The following SAMD7 variants were observed in gnomAD, a reference collection of about 807,000 sequenced individuals.
The protein encoded by SAMD7 is sterile alpha motif domain-containing protein 7.
A neutral mutation model predicts 36.7 loss-of-function variants in SAMD7; 34 were observed. The observed-to-expected ratio is 0.93, with a 90% CI of 0.71 to 1.23. SAMD7 has a LOEUF of 1.23. SAMD7 is among the 50% of genes most tolerant of loss of function. The pLI is 0.00. For missense variants in SAMD7, 570 were observed against 546.6 expected (o/e 1.04, Z -0.43); for synonymous variants, 188 against 189.7 (o/e 0.99, Z 0.07).
chr3:169,928,314 GA>G (rs1430551550), intron 6 of SAMD7, 142 bp from the exon 7 acceptor site: 4 of 602,446 alleles, frequency 6.6e-6, no homozygotes, highest in Non-Finnish European at 1.2e-5. Context: ...GAAGCTTTTA[GA>G]AAACATCTCC....
intron 6 of SAMD7, among the ~76,000 whole-genome samples, chr3:169,927,821 C>T (rs1056299147): frequency 6.6e-6 from 1 of 152,028 alleles, no homozygotes; most frequent in Non-Finnish European, 1.5e-5. Context: ...AGCAGAGAGG[C>T]GTCTTGCTTC....
rs189539303 is a variant in SAMD7, at chr3:169,913,645, C to A, written c.-116-1722C>A. Among the ~76,000 whole-genome samples the A allele has an allele frequency of 2.3e-4, 35 of 152,298 alleles. 1 individual carries two copies. The highest frequency in any genetic ancestry group is 1.8e-3 in the Admixed American group (27 of 15,286). On this transcript the variant is annotated intron_variant, in intron 1 of 8. Transcript: ENST00000335556. ...TGCAGACCTAAGCACCACTGCACTC[C>A]CTCACTTTGGGATTACCAGACACGC... is the stretch of plus-strand genomic sequence containing the variant.
intron 7 of SAMD7, among the ~76,000 whole-genome samples, chr3:169,934,951 T>C (rs573430931): frequency 1.3e-5 from 2 of 152,278 alleles, no homozygotes; most frequent in African/African-American, 4.8e-5. Context: ...GCACTGTTCA[T>C]GAAGGCACAG....
intron 7 of SAMD7, among the ~76,000 whole-genome samples, chr3:169,935,044 G>T (rs897157130): frequency 1.3e-5 from 2 of 152,180 alleles, no homozygotes; most frequent in Non-Finnish European, 2.9e-5. Flanking sequence ...AGAGGCACCC[G>T]GAAGCCTGAG....
chr3:169,937,147 T>G (rs1306796251), intron 8 of SAMD7, among the ~76,000 whole-genome samples: 3 of 152,194 alleles, frequency 2.0e-5, no homozygotes, highest in Non-Finnish European at 4.4e-5. Flanking sequence ...AATTGGCTCT[T>G]GTGAGTTAGC....
At chr3:169,929,578 A>G (rs761864549) in intron 7 of SAMD7, among the ~76,000 whole-genome samples, 23 of 152,178 alleles carry the variant, frequency 1.5e-4, no homozygotes, top group South Asian at 6.2e-4. Flanking sequence ...TACAAATTCA[A>G]ATCCTGGCTT....
At chr3:169,925,184 C>T in intron 5 of SAMD7, 48 bp downstream of exon 5, 1 of 1,208,938 alleles carries the variant, frequency 8.3e-7, no homozygotes, top group Non-Finnish European at 1.2e-6. Flanking sequence ...TTCACTTGCT[C>T]ATTTATTCAC....
chr3:169,932,987 C>G (rs1175632473), intron 7 of SAMD7: 13 of 720,154 alleles, frequency 1.8e-5, no homozygotes, highest in South Asian at 1.3e-4. Context: ...TCTTTCCCCC[C>G]CTCTATCAGT....
intron 4 of SAMD7, among the ~76,000 whole-genome samples, chr3:169,922,392 A>G (rs1713079372): frequency 6.6e-6 from 1 of 152,224 alleles, no homozygotes; most frequent in Non-Finnish European, 1.5e-5. Flanking sequence ...TGAGGTAGCA[A>G]GAAACCCAGG....
chr3:169,933,073 C>A, intron 7 of SAMD7: 1 of 905,496 alleles, frequency 1.1e-6, no homozygotes, highest in South Asian at 1.3e-5. Flanking sequence ...ACCTTAAAAT[C>A]TGCCATGGCC....
intron 1 of SAMD7, among the ~76,000 whole-genome samples, chr3:169,914,671 T>C (rs1270938623): frequency 6.6e-6 from 1 of 152,188 alleles, no homozygotes; most frequent in East Asian, 1.9e-4. Flanking sequence ...GTACCAAGGA[T>C]AGCTTTAATT....
At chr3:169,930,918 C>T (rs890173598) in intron 7 of SAMD7, among the ~76,000 whole-genome samples, 19 of 152,198 alleles carry the variant, frequency 1.2e-4, no homozygotes, top group Admixed American at 1.2e-3. Flanking sequence ...GACCAAGGTG[C>T]TGAGATTAGC....
intron 4 of SAMD7, among the ~76,000 whole-genome samples, chr3:169,923,454 G>A (rs1713131962): frequency 6.6e-6 from 1 of 152,176 alleles, no homozygotes; most frequent in Non-Finnish European, 1.5e-5. Flanking sequence ...TAAAACAGCT[G>A]CACTGCAGGC....
At chr3:169,933,713 G>T (rs556970649) in intron 7 of SAMD7, among the ~76,000 whole-genome samples, 2 of 152,354 alleles carry the variant, frequency 1.3e-5, no homozygotes, top group Admixed American at 6.5e-5. Context: ...CTTTTTAGCT[G>T]GTCCTGAGTC....
intron 7 of SAMD7, among the ~76,000 whole-genome samples, chr3:169,931,332 C>G (rs770482538): frequency 1.8e-4 from 28 of 152,154 alleles, no homozygotes; most frequent in Non-Finnish European, 3.1e-4. Context: ...ATGTATGTGT[C>G]CTCGCCCCAG....
At chr3:169,925,827 C>T (rs1713235102) in intron 5 of SAMD7, among the ~76,000 whole-genome samples, 1 of 152,198 alleles carries the variant, frequency 6.6e-6, no homozygotes, top group Non-Finnish European at 1.5e-5. Context: ...TACGACTCCT[C>T]TGAAATTCAT....
At position 169,938,191 on chromosome 3, in the gene SAMD7, C is replaced by T. The variant is rs1018109472; in HGVS notation, c.1153-127C>T. Reference sequence around the variant, plus strand: ...CCACCACATCCTACAATTGTGACCCCCACAACTATATGTTAATAGATGCTC... The same window carrying T: ...CCACCACATCCTACAATTGTGACCCTCACAACTATATGTTAATAGATGCTC... On this transcript the variant is annotated intron_variant, in intron 8 of 8. Transcript: ENST00000335556. The T allele has an allele frequency of 4.7e-6, 3 of 636,324 alleles. No individual in the cohort carries two copies. The African/African-American group carries it at 5.6e-5, about 12-fold the overall frequency. 39.4% of individuals were successfully genotyped at this position (636,324 alleles called of 1,614,324 possible). A position where few individuals can be genotyped will look rare whatever the true frequency, so the allele number is the denominator to read the frequency against.
At chr3:169,936,292 CA>C (rs1229615099) in intron 7 of SAMD7, 46 bp from the exon 8 acceptor site, 5 of 1,252,304 alleles carry the variant, frequency 4.0e-6, no homozygotes, top group Middle Eastern at 1.9e-4. Flanking sequence ...AGAACTTTTT[CA>C]AAAAAAGACA....
chr3:169,917,003 A>G (rs372766642), intron 2 of SAMD7, among the ~76,000 whole-genome samples: 65 of 152,322 alleles, frequency 4.3e-4, no homozygotes, highest in African/African-American at 1.5e-3. Context: ...TCTAATCCTG[A>G]CTGTGTGGTG....
Sources: allele counts gnomAD v4.1 joint callset (sites outside exome capture counted in the v4.1 genomes callset), GRCh38; gene constraint gnomAD v4.1.1; transcripts MANE v1.5; gene names NCBI Gene and HGNC (gene_info 2026-07-23, HGNC 2026-07-21).